TRAPPC9: variants seen among roughly 807,000 people sequenced by gnomAD.
TRAPPC9 encodes the protein trafficking protein particle complex subunit 9.
TRAPPC9 carries 83 observed loss-of-function variants against 124.0 expected under a neutral mutation model. The observed-to-expected ratio is 0.67, with a 90% CI of 0.56 to 0.80. The LOEUF is 0.80. Ranked by LOEUF, TRAPPC9 falls within the 30% of genes least tolerant of loss-of-function variation. The pLI, the probability that TRAPPC9 is intolerant of heterozygous loss-of-function variation, is 0.00. For synonymous variants in TRAPPC9, 638 were observed against 617.5 expected (o/e 1.03, Z -0.49); for missense variants, 1,302 against 1,508.3 (o/e 0.86, Z 2.27).
chr8:139,931,794 T>A (rs1177890692), intron 19 of TRAPPC9: 1 of 173,326 alleles, frequency 5.8e-6, no homozygotes, highest in Non-Finnish European at 1.2e-5. Context: ...ACAAGTGCCA[T>A]GCGGTAGAAG....
chr8:140,206,076 A>C (rs999288819), intron 17 of TRAPPC9, among the ~76,000 whole-genome samples: 1 of 152,236 alleles, frequency 6.6e-6, no homozygotes, highest in African/African-American at 2.4e-5. Flanking sequence ...GTTTATCCCC[A>C]GAATGCAAGG....
intron 17 of TRAPPC9, among the ~76,000 whole-genome samples, chr8:140,079,132 G>A (rs1177510576): frequency 2.6e-5 from 4 of 152,174 alleles, no homozygotes; most frequent in African/African-American, 9.7e-5. Context: ...TCTCTTGCCT[G>A]CTGCCATGTA....
chr8:139,932,784 A>C, intron 19 of TRAPPC9: 1 of 345,800 alleles, frequency 2.9e-6, no homozygotes, highest in South Asian at 2.2e-5. Context: ...AAGCACTGTC[A>C]TGCAGGGCAG....
At chr8:140,274,938 C>T (rs1177781639) in intron 15 of TRAPPC9, among the ~76,000 whole-genome samples, 4 of 152,166 alleles carry the variant, frequency 2.6e-5, no homozygotes, top group Non-Finnish European at 5.9e-5. Context: ...CTTTTTCATT[C>T]TCTGTCTGGT....
chr8:139,926,390 C>T (rs1832817556), intron 19 of TRAPPC9, among the ~76,000 whole-genome samples: 2 of 152,032 alleles, frequency 1.3e-5, no homozygotes, highest in Admixed American at 6.6e-5. Flanking sequence ...ACAACAGGAA[C>T]GAGATCGATT....
At chr8:140,291,470 C>T (rs1469190106) in intron 11 of TRAPPC9, among the ~76,000 whole-genome samples, 1 of 152,218 alleles carries the variant, frequency 6.6e-6, no homozygotes, top group African/African-American at 2.4e-5. Flanking sequence ...GCCCTATTCC[C>T]CTAAGATTGT....
At chr8:140,274,358 C>T (rs946768105) in intron 15 of TRAPPC9, among the ~76,000 whole-genome samples, 25 of 152,256 alleles carry the variant, frequency 1.6e-4, no homozygotes, top group African/African-American at 5.5e-4. Context: ...AGCAAGAACA[C>T]AAGGTGGGCT....
chr8:140,348,830 G>A (rs2067429764), intron 9 of TRAPPC9, among the ~76,000 whole-genome samples: 1 of 152,138 alleles, frequency 6.6e-6, no homozygotes, highest in Non-Finnish European at 1.5e-5. Flanking sequence ...GGAATCACCA[G>A]ACACTGGGAG....
At chr8:140,134,238 T>C (rs1587779644) in intron 17 of TRAPPC9, among the ~76,000 whole-genome samples, 2 of 151,912 alleles carry the variant, frequency 1.3e-5, no homozygotes, top group South Asian at 4.2e-4. Context: ...AGAAATAAAC[T>C]CATACTTCTA....
intron 17 of TRAPPC9, among the ~76,000 whole-genome samples, chr8:140,210,613 C>T (rs995654580): frequency 2.0e-5 from 3 of 152,174 alleles, no homozygotes; most frequent in Non-Finnish European, 4.4e-5. Context: ...CCCGCACCCC[C>T]TTTCCCACCC....
chr8:140,154,968 T>G (rs1302227084), intron 17 of TRAPPC9, among the ~76,000 whole-genome samples: 1 of 152,202 alleles, frequency 6.6e-6, no homozygotes, highest in Non-Finnish European at 1.5e-5. Context: ...GCATACCATG[T>G]AGGGCATCCT....
Position 140,090,338 on chromosome 8 carries a change from G to A in TRAPPC9, c.2557-66259C>T, listed in dbSNP as rs139649410. Among the ~76,000 whole-genome samples the A allele has an allele frequency of 3.5e-3, 539 of 152,224 alleles. 2 individuals are homozygous for A. The highest frequency in any genetic ancestry group is 0.012 in the African/African-American group (507 of 41,522). ...TCCCGCCCCATGAGCAGCTCCCACA[G>A]AAGCCCTCCTACCGCACGCCACACC... On this transcript the variant is annotated intron_variant, in intron 17 of 22. Transcript: ENST00000438773.
intron 21 of TRAPPC9, among the ~76,000 whole-genome samples, chr8:139,858,065 G>C (rs1827909365): frequency 6.6e-6 from 1 of 152,202 alleles, no homozygotes; most frequent in Non-Finnish European, 1.5e-5. Context: ...CTCAGAAGTG[G>C]GACCAAAGCA....
At chr8:140,442,022 A>G (rs2071034458) in intron 2 of TRAPPC9, among the ~76,000 whole-genome samples, 1 of 152,194 alleles carries the variant, frequency 6.6e-6, no homozygotes, top group Non-Finnish European at 1.5e-5. Context: ...CAACAGACCA[A>G]GATCCTGTCC....
chr8:140,115,469 G>A (rs555443783), intron 17 of TRAPPC9, among the ~76,000 whole-genome samples: 51 of 152,018 alleles, frequency 3.4e-4, no homozygotes, highest in Non-Finnish European at 6.0e-4. Flanking sequence ...GGGTTTCACC[G>A]TCTTGACCAG....
rs543406609 is a variant in TRAPPC9, at chr8:140,358,756, G to T, written c.1495+1294C>A. ...GCAGTGACGGCACAGCACTGCAGGG[G>T]GCAGTAATGAGTCGCCCAGACGGCC... On this transcript the variant is annotated intron_variant, in intron 9 of 22. Coordinates refer to ENST00000438773, the MANE Select transcript of TRAPPC9 (RefSeq NM_001160372.4). Among the ~76,000 whole-genome samples, 228 of 152,326 alleles carry T rather than the reference G, an allele frequency of 1.5e-3. 1 individual carries two copies. Among genetic ancestry groups the T allele is most frequent in the African/African-American group, 5.2e-3 (217 of 41,578 alleles).
At chr8:140,076,624 C>G (rs1049286618) in intron 17 of TRAPPC9, among the ~76,000 whole-genome samples, 1 of 152,154 alleles carries the variant, frequency 6.6e-6, no homozygotes, top group African/African-American at 2.4e-5. Flanking sequence ...TGACAACACC[C>G]GATTCCTAGG....
At chr8:140,305,896 G>A (rs1223060702) in intron 10 of TRAPPC9, among the ~76,000 whole-genome samples, 4 of 152,202 alleles carry the variant, frequency 2.6e-5, no homozygotes, top group Non-Finnish European at 5.9e-5. Context: ...TTTGTTCAAA[G>A]TCACACAGCT....
intron 19 of TRAPPC9, among the ~76,000 whole-genome samples, chr8:139,912,434 A>T (rs1377106531): frequency 6.6e-6 from 1 of 151,890 alleles, no homozygotes; most frequent in Non-Finnish European, 1.5e-5. Flanking sequence ...AAAAAAAATG[A>T]CTATTGTAGA....
Sources: gnomAD v4.1 joint callset for allele counts (sites outside exome capture counted in the v4.1 genomes callset) on GRCh38, gnomAD v4.1.1 for gene constraint, MANE v1.5 for transcripts, NCBI Gene and HGNC (gene_info 2026-07-23, HGNC 2026-07-21) for gene names.